Variants in DAAM2 observed in about 807,000 individuals in gnomAD.
DAAM2 encodes dishevelled associated activator of morphogenesis 2.
A neutral mutation model predicts 120.7 loss-of-function variants in DAAM2; 39 were observed. The ratio of observed to expected loss-of-function variants is 0.32; its 90% CI spans 0.25 to 0.42. DAAM2 has a LOEUF of 0.42. DAAM2 is among the 10% of genes least tolerant of loss of function. The pLI is 1.00. For synonymous variants in DAAM2, 488 were observed against 524.9 expected (o/e 0.93, Z 0.96); for missense variants, 1,283 against 1,401.7 (o/e 0.92, Z 1.35).
Position 39,901,730 on chromosome 6 carries a change from G to C in DAAM2, c.2983-83G>C. ...AGGCAGGCAGCATGACCATGGCCTA[G>C]GAGTTAGCCCAGGGTTGGGGGGCTG... On this transcript the variant is annotated intron_variant, in intron 24 of 24. Coordinates refer to ENST00000274867, the MANE Select transcript of DAAM2 (RefSeq NM_001201427.2). The surrounding 1 kb of genome is among the most constrained non-coding windows in gnomAD (Gnocchi z 4.5). The C allele has an allele frequency of 7.7e-7, 1 of 1,291,846 alleles. No individual in the cohort carries two copies. Among genetic ancestry groups the C allele is most frequent in the Non-Finnish European group, 1.0e-6 (1 of 963,246 alleles). 80.0% of individuals were successfully genotyped at this position (1,291,846 alleles called of 1,614,324 possible). A position where few individuals can be genotyped will look rare whatever the true frequency, so the allele number is the denominator to read the frequency against.
chr6:39,829,268 G>A (rs1453563948), intron 1 of DAAM2, among the ~76,000 whole-genome samples: 2 of 152,232 alleles, frequency 1.3e-5, no homozygotes, highest in Non-Finnish European at 2.9e-5. Context: ...GCCTATGACT[G>A]GTTGTGGGTA....
intron 1 of DAAM2, among the ~76,000 whole-genome samples, chr6:39,850,959 A>G (rs1763786465): frequency 6.6e-6 from 1 of 152,210 alleles, no homozygotes; most frequent in South Asian, 2.1e-4. Flanking sequence ...TAGAGTAAGA[A>G]TACTTACTTG....
At chr6:39,826,706 A>G (rs952187195) in intron 1 of DAAM2, among the ~76,000 whole-genome samples, 3 of 152,222 alleles carry the variant, frequency 2.0e-5, no homozygotes, top group Non-Finnish European at 4.4e-5. Flanking sequence ...AAAAATGTAC[A>G]TAAAAAATCA....
intron 1 of DAAM2, among the ~76,000 whole-genome samples, chr6:39,816,589 C>A (rs2395730): frequency 0.58 from 88,597 of 152,064 alleles, 25,999 homozygotes; most frequent in South Asian, 0.71. Flanking sequence ...CTGCTGGTCT[C>A]AGCTAAATAG....
At chr6:39,819,381 ACCT>A (rs1762412302) in intron 1 of DAAM2, 1 of 152,130 alleles carries the variant, frequency 6.6e-6, no homozygotes, top group Non-Finnish European at 1.5e-5. Flanking sequence ...AATGCTACTT[ACCT>A]CCTCCAGTAC....
At chr6:39,888,619 G>A in intron 16 of DAAM2, 60 bp from the exon 17 acceptor site, 1 of 1,462,872 alleles carries the variant, frequency 6.8e-7, no homozygotes, top group Non-Finnish European at 9.5e-7. Context: ...GGCGGAGGTG[G>A]TACCTTTTGG....
chr6:39,856,112 G>A, intron 1 of DAAM2, 135 bp from the exon 2 acceptor site: 1 of 1,232,756 alleles, frequency 8.1e-7, no homozygotes, highest in Non-Finnish European at 1.0e-6. Context: ...GGCGACAGCG[G>A]GGTGGGTGGG....
intron 1 of DAAM2, among the ~76,000 whole-genome samples, chr6:39,832,544 G>A (rs1762954010): frequency 6.6e-6 from 1 of 152,112 alleles, no homozygotes; most frequent in Admixed American, 6.5e-5. Flanking sequence ...TTCTTATAAT[G>A]GATAATTTTC....
At chr6:39,869,825 G>A (rs1582705949) in intron 7 of DAAM2, among the ~76,000 whole-genome samples, 3 of 150,466 alleles carry the variant, frequency 2.0e-5, no homozygotes, top group Admixed American at 2.0e-4. Flanking sequence ...AGGCCGGTTG[G>A]GGGAATAATC....
chr6:39,893,855 T>C (rs1271069954), intron 19 of DAAM2, among the ~76,000 whole-genome samples: 1 of 152,218 alleles, frequency 6.6e-6, no homozygotes, highest in Non-Finnish European at 1.5e-5. Flanking sequence ...CCAGGAAGTA[T>C]TCCTGGAAGA....
intron 1 of DAAM2, among the ~76,000 whole-genome samples, chr6:39,836,990 A>G (rs894815923): frequency 6.6e-6 from 1 of 152,156 alleles, no homozygotes; most frequent in Admixed American, 6.5e-5. Flanking sequence ...ACCTGGGGGA[A>G]CTTTTACAAA....
intron 1 of DAAM2, among the ~76,000 whole-genome samples, chr6:39,840,588 A>T (rs1763286403): frequency 6.6e-6 from 1 of 152,110 alleles, no homozygotes; most frequent in Non-Finnish European, 1.5e-5. Flanking sequence ...CGTTGGAAAT[A>T]TGGAGCTGGA....
At chr6:39,896,018 T>G (rs28735942) in intron 19 of DAAM2, among the ~76,000 whole-genome samples, 13,645 of 152,114 alleles carry the variant, frequency 0.09, 1,257 homozygotes, top group East Asian at 0.25. Flanking sequence ...TATTATAATT[T>G]AGAATATGTT....
intron 1 of DAAM2, among the ~76,000 whole-genome samples, chr6:39,792,716 T>G (rs12213423): frequency 0.12 from 18,545 of 152,302 alleles, 1,391 homozygotes; most frequent in Non-Finnish European, 0.17. Flanking sequence ...TGCGTGTGTC[T>G]GTACTGGCAC....
At chr6:39,840,453 G>A (rs1763281958) in intron 1 of DAAM2, among the ~76,000 whole-genome samples, 1 of 152,216 alleles carries the variant, frequency 6.6e-6, no homozygotes. Context: ...TAAGACAAAG[G>A]AAGAGTTAAA....
At chr6:39,849,206 C>G (rs533806639) in intron 1 of DAAM2, among the ~76,000 whole-genome samples, 22 of 152,280 alleles carry the variant, frequency 1.4e-4, no homozygotes, top group African/African-American at 5.1e-4. Context: ...GTCTCTGTTG[C>G]ATGGTAGTAG....
intron 1 of DAAM2, among the ~76,000 whole-genome samples, chr6:39,830,735 C>G (rs1162742928): frequency 6.6e-6 from 1 of 152,240 alleles, no homozygotes; most frequent in African/African-American, 2.4e-5. Flanking sequence ...GAGGGGGTGG[C>G]GAGGGGCTCC....
At chr6:39,862,738 G>A in intron 3 of DAAM2, 1 of 141,706 alleles carries the variant, frequency 7.1e-6, no homozygotes, top group Non-Finnish European at 1.5e-5. Flanking sequence ...CTGGGAGGTG[G>A]AGATTGTGGT....
rs541563548 is a variant in DAAM2, at chr6:39,861,954, C to G, written c.258+937C>G. 4 of 152,504 alleles carry G rather than the reference C, an allele frequency of 2.6e-5. No homozygotes were observed. In the East Asian group the frequency reaches 7.7e-4, roughly 29 times the overall value. 9.4% of individuals were successfully genotyped at this position (152,504 alleles called of 1,614,324 possible). On this transcript the variant is annotated intron_variant, in intron 3 of 24. Transcript: ENST00000274867. ...GTGCCCCCTCATAGCTCTTCTCTTACTCTTCCTGCTGAAGACTTTATCCCA... is the reference window on the plus strand; with the variant it reads ...GTGCCCCCTCATAGCTCTTCTCTTAGTCTTCCTGCTGAAGACTTTATCCCA...
Sources: gnomAD v4.1 joint callset for allele counts (sites outside exome capture counted in the v4.1 genomes callset) on GRCh38, gnomAD v4.1.1 for gene constraint, Gnocchi (gnomAD v3.1) non-coding constraint, MANE v1.5 for transcripts, NCBI Gene and HGNC (gene_info 2026-07-23, HGNC 2026-07-21) for gene names.